ZBTB45: variants seen among roughly 807,000 people sequenced by gnomAD.
ZBTB45 encodes the protein zinc finger and BTB domain containing 45, also known as zinc finger and BTB domain-containing protein 45.
In ZBTB45, 22 loss-of-function variants were observed where a neutral mutation model predicts 28.4. That is an observed-to-expected ratio of 0.77 (90% CI 0.55 to 1.10). The LOEUF (loss-of-function observed/expected upper bound fraction) is 1.10. Ranked by LOEUF, ZBTB45 falls within the 50% of genes least tolerant of loss-of-function variation. The pLI is 0.00. For missense variants in ZBTB45, 656 were observed against 750.2 expected, an observed-to-expected ratio of 0.87 and a Z score of 1.47; for synonymous variants, 361 against 332.3, an observed-to-expected ratio of 1.09 and a Z score of -0.94.
upstream of ZBTB45, among the ~76,000 whole-genome samples, chr19:58,523,409 G>C (rs148149626): frequency 6.6e-6 from 1 of 151,482 alleles, no homozygotes; most frequent in Admixed American, 6.6e-5. Flanking sequence ...GGCCGAGCAC[G>C]GTGGCTCATG....
At chr19:58,529,404 C>A (rs924868369) in intron 1 of ZBTB45, among the ~76,000 whole-genome samples, 2 of 152,172 alleles carry the variant, frequency 1.3e-5, no homozygotes, top group Non-Finnish European at 2.9e-5. Flanking sequence ...GCACTCAGAG[C>A]AAGACCCTAT....
At chr19:58,520,111 A>G (rs891343590), upstream of ZBTB45, 2 of 152,158 alleles carry the variant, frequency 1.3e-5, no homozygotes, top group Admixed American at 6.5e-5. Context: ...CAAGTGCCCA[A>G]CGTGTTCTGG....
intron 1 of ZBTB45, among the ~76,000 whole-genome samples, chr19:58,536,530 C>T (rs2053661297): frequency 6.6e-6 from 1 of 150,764 alleles, no homozygotes; most frequent in African/African-American, 2.4e-5. Context: ...GTAATTCCAG[C>T]TACTCAGGAG....
At chr19:58,527,317 C>A (rs1490302802) in intron 1 of ZBTB45, among the ~76,000 whole-genome samples, 3 of 152,172 alleles carry the variant, frequency 2.0e-5, no homozygotes, top group African/African-American at 7.2e-5. Context: ...CCCATGTGCA[C>A]AATTCAGTGA....
At position 58,516,751 on chromosome 19, in the gene ZBTB45, A is replaced by T; in HGVS notation, c.923T>A (p.Val308Asp). The T allele has an allele frequency of 6.2e-7, 1 of 1,612,890 alleles. No individual in the cohort carries two copies. Among genetic ancestry groups the T allele is most frequent in the Non-Finnish European group, 8.5e-7 (1 of 1,179,478 alleles). Reference sequence around the variant, plus strand: ...TCCAGACAGTATGCAGTCGGGCTGGACAGGGGTCTCAGTGGGACAGCCTTC... The same window carrying T: ...TCCAGACAGTATGCAGTCGGGCTGGTCAGGGGTCTCAGTGGGACAGCCTTC... ...VPEGCPTETP[V>D]QPDCILSGSR... Residue 308 changes from valine to aspartate, a missense_variant, in exon 2 of 3, where the codon GTC becomes GAC. Transcript: ENST00000594051. The surrounding 1 kb of genome is among the most constrained non-coding windows in gnomAD (Gnocchi z 6.2).
Position 58,516,958 on chromosome 19 carries a change from T to C in ZBTB45, c.716A>G (p.Asp239Gly), listed in dbSNP as rs1434953499. 6.2e-7 allele frequency: 1 copy of C among 1,613,266 alleles called. No homozygotes were observed. The highest frequency in any genetic ancestry group is 8.5e-7 in the Non-Finnish European group (1 of 1,180,018). ...GEGQAPPSFP[D>G]CAAGFLTAAA... is the part of the protein sequence containing the mutation. ...AGCAGTGAGGAAGCCAGCAGCACAGTCTGGGAAGGAAGGAGGTGCCTGGCC... is the reference window on the plus strand; with the variant it reads ...AGCAGTGAGGAAGCCAGCAGCACAGCCTGGGAAGGAAGGAGGTGCCTGGCC... The change falls in exon 2 of 3, where the codon GAC becomes GGC. Residue 239 changes from aspartate to glycine, a missense_variant. By Grantham distance (94) the Asp-to-Gly change is moderately conservative. Around this residue, in one of 3 missense-constraint regions of ZBTB45, gnomAD observed 448 missense variants for 444.3 expected, o/e 1.01. Transcript: ENST00000594051. This position sits in a 1 kb window ranked among gnomAD's most constrained non-coding sequence, Gnocchi z 6.2.
In ZBTB45 at chr19:58,516,481, G is replaced by C; in HGVS notation, c.1193C>G (p.Ala398Gly). 1 of 1,613,950 alleles carries C rather than the reference G, an allele frequency of 6.2e-7. No individual in the cohort carries two copies. The highest frequency in any genetic ancestry group is 8.5e-7 in the Non-Finnish European group (1 of 1,179,858). The change falls in exon 2 of 3, where the codon GCT becomes GGT. Residue 398 changes from alanine to glycine, a missense_variant. Around this residue, in one of 3 missense-constraint regions of ZBTB45, gnomAD observed 448 missense variants for 444.3 expected, o/e 1.01. Transcript: ENST00000594051. This position sits in a 1 kb window ranked among gnomAD's most constrained non-coding sequence, Gnocchi z 6.2. The stretch of plus-strand genomic sequence containing the variant: ...GCTGCACTCATACGTAGGTGGCTCA[G>C]CACCTGGGGTGCGAGCAGGGGTGCC... Reference protein sequence around the residue: ...PSGTPARTPGAEPPTYECSHC... With the variant: ...PSGTPARTPGGEPPTYECSHC...
chr19:58,514,324 G>A lies in ZBTB45; in HGVS notation c.1280-14C>T. On this transcript the variant is annotated splice_polypyrimidine_tract_variant and intron_variant, in intron 2 of 2. Coordinates refer to ENST00000594051, the MANE Select transcript of ZBTB45 (RefSeq NM_001316979.2). ...GCGGCTTCTCCCCTGCGGAAGACAGGGCGGGCCGCGAACGCAAGTCAGACT... is the reference window on the plus strand; with the variant it reads ...GCGGCTTCTCCCCTGCGGAAGACAGAGCGGGCCGCGAACGCAAGTCAGACT... 1.3e-6 allele frequency: 2 copies of A among 1,586,104 alleles called. No homozygotes were observed. The highest frequency in any genetic ancestry group is 1.7e-6 in the Non-Finnish European group (2 of 1,161,804).
At chr19:58,532,531 G>A (rs986458318) in intron 1 of ZBTB45, among the ~76,000 whole-genome samples, 3 of 152,134 alleles carry the variant, frequency 2.0e-5, no homozygotes, top group Non-Finnish European at 4.4e-5. Flanking sequence ...CTGGGGTGGA[G>A]CTCTTCCACA....
intron 1 of ZBTB45, among the ~76,000 whole-genome samples, chr19:58,530,803 C>T (rs1175997871): frequency 6.6e-6 from 1 of 152,032 alleles, no homozygotes; most frequent in Non-Finnish European, 1.5e-5. Flanking sequence ...CCTGCCTCAG[C>T]CTCCCAAGTA....
At chr19:58,537,094 C>T (rs1252100463) in intron 1 of ZBTB45, among the ~76,000 whole-genome samples, 5 of 152,140 alleles carry the variant, frequency 3.3e-5, no homozygotes, top group Admixed American at 2.6e-4. Context: ...TAGTCTTACT[C>T]TCCTATATAC....
At chr19:58,538,090 G>C (rs2053670281) in intron 1 of ZBTB45, among the ~76,000 whole-genome samples, 1 of 152,062 alleles carries the variant, frequency 6.6e-6, no homozygotes, top group Non-Finnish European at 1.5e-5. Context: ...CGCCCACCTC[G>C]GCCTCCCAAA....
chr19:58,517,652 G>C lies in ZBTB45; in HGVS notation c.22C>G (p.His8Asp). 6.2e-7 allele frequency: 1 copy of C among 1,613,416 alleles called. No homozygotes were observed. The highest frequency in any genetic ancestry group is 8.5e-7 in the Non-Finnish European group (1 of 1,179,664). Residue 8 changes from histidine (H) to aspartate (D), a missense_variant, in exon 2 of 3, where the codon CAT (histidine) becomes GAT (aspartate). Physicochemically the swap from His to Asp is moderately conservative, Grantham distance 81 (BLOSUM62 -1). This residue lies in a region of ZBTB45 where 105 missense variants were observed against 152.4 expected (regional missense o/e 0.69). Transcript: ENST00000594051. The part of the protein sequence containing the change: MAAAEAV[H>D]HIHLQNFSRS... ...GAGAAGTTCTGCAGGTGTATGTGAT[G>C]CACAGCCTCTGCAGCCGCCATCTGC...
intron 1 of ZBTB45, among the ~76,000 whole-genome samples, chr19:58,537,485 G>C (rs975162564): frequency 2.1e-4 from 32 of 152,098 alleles, no homozygotes; most frequent in Non-Finnish European, 2.9e-5. Flanking sequence ...CTGTTATGAG[G>C]GGCAGCCGAT....
In ZBTB45 at chr19:58,517,029, G is replaced by T; in HGVS notation, c.645C>A (p.Asp215Glu). The T allele has an allele frequency of 6.2e-7, 1 of 1,613,280 alleles. No homozygotes were observed. Among genetic ancestry groups the T allele is most frequent in the Non-Finnish European group, 8.5e-7 (1 of 1,180,024 alleles). Residue 215 changes from aspartate to glutamate, a missense_variant, in exon 2 of 3, where the codon GAC becomes GAA. Coordinates refer to ENST00000594051, the MANE Select transcript of ZBTB45 (RefSeq NM_001316979.2). ...CGCCATCCTCGCCATCGGTCTCATC[G>T]TCACTTTCCTCGTCATCCTCGTCAC... is the stretch of plus-strand genomic sequence containing the variant. ...DRGDEDDEES[D>E]DETDGEDGEG... is the part of the protein sequence containing the mutation.
rs751728263 is a variant in ZBTB45, at chr19:58,516,909, C to T, written c.765G>A (p.Glu255=). 2 of 1,613,330 alleles carry T rather than the reference C, an allele frequency of 1.2e-6. No homozygotes were observed. Among genetic ancestry groups the T allele is most frequent in the South Asian group, 2.2e-5 (2 of 91,084 alleles). Residue 255 remains glutamate (E), a synonymous_variant, in exon 2 of 3, where the codon GAG becomes GAA. Coordinates refer to ENST00000594051, the MANE Select transcript of ZBTB45 (RefSeq NM_001316979.2). This position sits in a 1 kb window ranked among gnomAD's most constrained non-coding sequence, Gnocchi z 6.2. ...LTAAADSACE[E]PPAPTGLADY... is the part of the protein sequence containing the mutation. ...CAGCGAGGCCAGTGGGTGCAGGGGG[C>T]TCCTCGCACGCGCTGTCAGCAGCAG...
At chr19:58,532,033 C>T (rs2053637925) in intron 1 of ZBTB45, among the ~76,000 whole-genome samples, 1 of 152,032 alleles carries the variant, frequency 6.6e-6, no homozygotes, top group African/African-American at 2.4e-5. Context: ...CCTCCCCCCT[C>T]CTTCCTTTCC....
chr19:58,524,001 G>T (rs2053592185), upstream of ZBTB45, among the ~76,000 whole-genome samples: 1 of 145,208 alleles, frequency 6.9e-6, no homozygotes, highest in South Asian at 2.2e-4. Context: ...TTGAACCCAG[G>T]AGGTGGAGGT....
At chr19:58,519,969 G>A (rs2053564589), upstream of ZBTB45, 1 of 152,264 alleles carries the variant, frequency 6.6e-6, no homozygotes, top group Non-Finnish European at 1.5e-5. Context: ...AGAGGCTAGG[G>A]CTGCCGCGTC....
Sources: allele counts gnomAD v4.1 joint callset (sites outside exome capture counted in the v4.1 genomes callset), GRCh38; gene constraint gnomAD v4.1.1; regional missense constraint gnomAD v4.1.1; non-coding constraint Gnocchi (gnomAD v3.1); transcripts MANE v1.5; gene names NCBI Gene and HGNC (gene_info 2026-07-23, HGNC 2026-07-21).